The following KLHL1 variants were observed in gnomAD, a reference collection of about 807,000 sequenced individuals.
The protein encoded by KLHL1 is kelch-like protein 1.
Under a neutral mutation model 77.7 loss-of-function variants are expected in KLHL1, and 47 were observed. The ratio of observed to expected loss-of-function variants is 0.60; its 90% CI spans 0.48 to 0.77. KLHL1 has a LOEUF of 0.77. Ranked by LOEUF, KLHL1 falls within the 30% of genes least tolerant of loss-of-function variation. The probability of loss-of-function intolerance (pLI) is 0.00; values close to 1 mark genes in which losing one functional copy is unlikely to be tolerated. For synonymous variants in KLHL1, 360 were observed against 325.2 expected, an observed-to-expected ratio of 1.11 and a Z score of -1.15; for missense variants, 925 against 910.8, an observed-to-expected ratio of 1.02 and a Z score of -0.20.
chr13:69,803,386 C>T (rs1373954871), intron 6 of KLHL1, among the ~76,000 whole-genome samples: 1 of 152,168 alleles, frequency 6.6e-6, no homozygotes, highest in Non-Finnish European at 1.5e-5. Context: ...TAACCTGGCT[C>T]TAGAGCCCAC....
intron 1 of KLHL1, among the ~76,000 whole-genome samples, chr13:70,018,256 C>T (rs933052127): frequency 2.6e-5 from 4 of 152,146 alleles, no homozygotes; most frequent in Admixed American, 6.5e-5. Context: ...TATTACTATC[C>T]TAAAGTTATA....
At chr13:70,053,621 T>A (rs1294991278) in intron 1 of KLHL1, among the ~76,000 whole-genome samples, 1 of 152,032 alleles carries the variant, frequency 6.6e-6, no homozygotes, top group African/African-American at 2.4e-5. Flanking sequence ...AATCATGAAT[T>A]TAGTATGAGA....
intron 6 of KLHL1, among the ~76,000 whole-genome samples, chr13:69,798,466 A>T (rs1363675180): frequency 6.6e-6 from 1 of 152,182 alleles, no homozygotes; most frequent in African/African-American, 2.4e-5. Context: ...GATATTGCTA[A>T]AATTATAGGT....
intron 1 of KLHL1, among the ~76,000 whole-genome samples, chr13:70,068,297 C>A: frequency 6.6e-6 from 1 of 151,678 alleles, no homozygotes; most frequent in South Asian, 2.1e-4. Context: ...GCCGAGATCG[C>A]GCCACTGCAC....
chr13:70,107,344 A>G lies in KLHL1; in HGVS notation c.356T>C (p.Leu119Pro). Reference protein sequence around the residue: ...GQGTQQPARTLFYVESLEEEV... With the variant: ...GQGTQQPARTPFYVESLEEEV... ...CTCCTCTAGTGACTCCACGTAGAAG[A>G]GAGTCCTGGCTGGCTGCTGAGTGCC... The change falls in exon 1 of 11, where the codon CTC becomes CCC. Residue 119 changes from leucine (L) to proline (P), a missense_variant. Leu to Pro is a moderately conservative substitution (Grantham distance 98). Coordinates refer to ENST00000377844, the MANE Select transcript of KLHL1 (RefSeq NM_020866.3). The G allele has an allele frequency of 6.2e-7, 1 of 1,614,022 alleles. No homozygotes were observed. The highest frequency in any genetic ancestry group is 8.5e-7 in the Non-Finnish European group (1 of 1,180,020).
intron 1 of KLHL1, among the ~76,000 whole-genome samples, chr13:70,070,612 A>G (rs1887116515): frequency 6.6e-6 from 1 of 152,148 alleles, no homozygotes; most frequent in Non-Finnish European, 1.5e-5. Flanking sequence ...ATGTTAAAGA[A>G]GTTATTCAGA....
chr13:69,738,550 C>G (rs74628075), intron 8 of KLHL1, among the ~76,000 whole-genome samples: 4,346 of 152,034 alleles, frequency 0.029, 216 homozygotes, highest in African/African-American at 0.099. Context: ...TAGAGAGGAA[C>G]ATAAATTACC....
Position 69,701,759 on chromosome 13 carries a change from C to T in KLHL1, c.2190G>A (p.Met730Ile). 1.2e-6 allele frequency: 2 copies of T among 1,603,478 alleles called. No homozygotes were observed. The highest frequency in any genetic ancestry group is 1.1e-5 in the South Asian group (1 of 89,394). Residue 730 changes from methionine to isoleucine, a missense_variant and splice_region_variant, in exon 11 of 11, where the codon ATG becomes ATA. Met to Ile is a conservative substitution (Grantham distance 10, BLOSUM62 1). Transcript: ENST00000377844. ...CTGCTCTCCCAATATTCAAGGAAGC[C>T]ATCTGTTAAAAAAGATGAAACACAA... ...YDPQTNEWTQMASLNIGRAGA... is the reference protein window; with the variant it reads ...YDPQTNEWTQIASLNIGRAGA...
intron 5 of KLHL1, among the ~76,000 whole-genome samples, chr13:69,846,188 A>T (rs1395629321): frequency 6.6e-6 from 1 of 151,570 alleles, no homozygotes; most frequent in Non-Finnish European, 1.5e-5. Flanking sequence ...GATAAAAGAT[A>T]CAGAGCATAA....
At chr13:70,006,083 T>C (rs1254957825) in intron 1 of KLHL1, among the ~76,000 whole-genome samples, 3 of 152,104 alleles carry the variant, frequency 2.0e-5, no homozygotes, top group African/African-American at 7.2e-5. Flanking sequence ...CTATTTTAGA[T>C]TCATCATATA....
intron 1 of KLHL1, among the ~76,000 whole-genome samples, chr13:70,092,976 T>A (rs557470577): frequency 6.6e-6 from 1 of 152,198 alleles, no homozygotes; most frequent in South Asian, 2.1e-4. Context: ...ATCCAAAATG[T>A]ATAAATAAAT....
At chr13:70,013,775 C>T (rs1443182635) in intron 1 of KLHL1, among the ~76,000 whole-genome samples, 2 of 152,048 alleles carry the variant, frequency 1.3e-5, no homozygotes, top group South Asian at 2.1e-4. Flanking sequence ...CTCACAGATG[C>T]CTCTGATACA....
intron 7 of KLHL1, among the ~76,000 whole-genome samples, chr13:69,757,116 T>A (rs1306920505): frequency 3.3e-5 from 5 of 152,128 alleles, no homozygotes; most frequent in Non-Finnish European, 5.9e-5. Context: ...AGCGATATGA[T>A]CCTAAATCTT....
At chr13:69,855,341 T>G (rs201551864) in intron 5 of KLHL1, among the ~76,000 whole-genome samples, 2,460 of 60,010 alleles carry the variant, frequency 0.041, 41 homozygotes, top group Non-Finnish European at 0.05. Context: ...GATAGATAGA[T>G]AGATAGACAG....
intron 5 of KLHL1, among the ~76,000 whole-genome samples, chr13:69,846,413 A>G (rs1169517294): frequency 6.6e-6 from 1 of 151,552 alleles, no homozygotes; most frequent in African/African-American, 2.4e-5. Flanking sequence ...ACCAATATGA[A>G]AAATCGGAAT....
At chr13:69,708,476 T>C (rs1313655407) in intron 9 of KLHL1, among the ~76,000 whole-genome samples, 3 of 151,942 alleles carry the variant, frequency 2.0e-5, no homozygotes, top group Non-Finnish European at 4.4e-5. Context: ...AATAGAAAAA[T>C]AGCCTTTGAA....
intron 5 of KLHL1, among the ~76,000 whole-genome samples, chr13:69,868,990 A>T (rs1880477952): frequency 6.6e-6 from 1 of 152,262 alleles, no homozygotes; most frequent in Non-Finnish European, 1.5e-5. Context: ...CTCACTTTTT[A>T]ATTATGAAAA....
At chr13:69,958,449 A>T (rs1883960689) in intron 3 of KLHL1, among the ~76,000 whole-genome samples, 1 of 146,096 alleles carries the variant, frequency 6.8e-6, no homozygotes, top group Admixed American at 6.8e-5. Context: ...ATTTTTTCAA[A>T]GATTATAAAC....
intron 5 of KLHL1, among the ~76,000 whole-genome samples, chr13:69,880,358 G>A (rs1035273765): frequency 3.5e-4 from 53 of 151,810 alleles, no homozygotes; most frequent in African/African-American, 9.7e-4. Flanking sequence ...AAATATTTCC[G>A]TTCATTCCTC....
Sources: allele counts gnomAD v4.1 joint callset (sites outside exome capture counted in the v4.1 genomes callset), GRCh38; gene constraint gnomAD v4.1.1; transcripts MANE v1.5; gene names NCBI Gene and HGNC (gene_info 2026-07-23, HGNC 2026-07-21).